PCGF5: variants seen among roughly 807,000 people sequenced by gnomAD.
PCGF5 encodes polycomb group ring finger 5, also known as polycomb group RING finger protein 5.
A neutral mutation model predicts 44.3 loss-of-function variants in PCGF5; 9 were observed. That is an observed-to-expected ratio of 0.20 (90% CI 0.12 to 0.35). The LOEUF (loss-of-function observed/expected upper bound fraction) is 0.35, where lower values mean the gene tolerates loss of function less well. Among genes scored for constraint, PCGF5 ranks in the 10% least tolerant of loss-of-function variants. The pLI is 1.00. For synonymous variants in PCGF5, 95 were observed against 102.5 expected, an observed-to-expected ratio of 0.93 and a Z score of 0.44; for missense variants, 146 against 305.3, an observed-to-expected ratio of 0.48 and a Z score of 3.89.
intron 1 of PCGF5, among the ~76,000 whole-genome samples, chr10:91,175,155 ACTT>A (rs747180279): frequency 3.8e-4 from 58 of 152,206 alleles, no homozygotes; most frequent in Non-Finnish European, 5.0e-4. Flanking sequence ...TCCTCACTTC[ACTT>A]CTTCTATGCC....
At chr10:91,184,297 A>G (rs566252573) in intron 1 of PCGF5, among the ~76,000 whole-genome samples, 1 of 151,606 alleles carries the variant, frequency 6.6e-6, no homozygotes, top group Admixed American at 6.6e-5. Flanking sequence ...TGCCTGTCTT[A>G]TTTCAGAAAC....
chr10:91,165,252 T>TTCCAC (rs1200640610), intron 1 of PCGF5, among the ~76,000 whole-genome samples: 3 of 152,208 alleles, frequency 2.0e-5, no homozygotes, highest in Non-Finnish European at 4.4e-5. Context: ...AGATAAAGCA[T>TTCCAC]GTGGAGCTCT....
chr10:91,197,237 G>A (rs868487535), intron 1 of PCGF5, among the ~76,000 whole-genome samples: 6 of 152,174 alleles, frequency 3.9e-5, no homozygotes, highest in African/African-American at 1.4e-4. Flanking sequence ...GGGGAGGCTC[G>A]AAGTATGGGG....
upstream of PCGF5, among the ~76,000 whole-genome samples, chr10:91,161,302 C>T (rs1843378062): frequency 6.6e-6 from 1 of 151,952 alleles, no homozygotes; most frequent in Admixed American, 6.6e-5. Context: ...GCTATTGACT[C>T]GCTTGGGAAA....
At chr10:91,234,347 A>G (rs1460326666) in intron 2 of PCGF5, among the ~76,000 whole-genome samples, 2 of 152,254 alleles carry the variant, frequency 1.3e-5, no homozygotes, top group Non-Finnish European at 2.9e-5. Context: ...GAAAGAATGC[A>G]TAATAGAAAA....
chr10:91,259,731 A>G (rs1478217070), intron 6 of PCGF5, among the ~76,000 whole-genome samples: 1 of 152,208 alleles, frequency 6.6e-6, no homozygotes, highest in South Asian at 2.1e-4. Context: ...AGGATTTCCT[A>G]TTTAATAAAT....
At chr10:91,254,021 C>A (rs1845685661) in intron 6 of PCGF5, among the ~76,000 whole-genome samples, 1 of 152,022 alleles carries the variant, frequency 6.6e-6, no homozygotes, top group South Asian at 2.1e-4. Flanking sequence ...AGTTTGCCAC[C>A]TTTTGGCCTG....
intron 1 of PCGF5, among the ~76,000 whole-genome samples, chr10:91,196,882 T>C (rs1401338684): frequency 6.6e-6 from 1 of 152,218 alleles, no homozygotes. Context: ...GAGGAACTGC[T>C]GAAGTACTGG....
chr10:91,238,601 CTTTTTTTTTTTTTTTTTTT>C (rs71487496), intron 2 of PCGF5, among the ~76,000 whole-genome samples: 21 of 58,492 alleles, frequency 3.6e-4, no homozygotes, highest in Middle Eastern at 0.014. Flanking sequence ...TTCTTTCTTT[CTTTTTTTTTTTTTTTTTTT>C]TTTTTTTTTT....
At chr10:91,276,690 C>T (rs1173787723) in intron 9 of PCGF5, among the ~76,000 whole-genome samples, 1 of 152,156 alleles carries the variant, frequency 6.6e-6, no homozygotes, top group East Asian at 1.9e-4. Context: ...CCCTCTGTAC[C>T]TTTATCCCTA....
chr10:91,246,542 C>A (rs138307285), intron 3 of PCGF5, among the ~76,000 whole-genome samples: 152 of 152,222 alleles, frequency 1.0e-3, no homozygotes, highest in Middle Eastern at 3.4e-3. Flanking sequence ...GGAACTAACA[C>A]AATCAGATTA....
chr10:91,169,839 G>A (rs972766406), intron 1 of PCGF5, among the ~76,000 whole-genome samples: 40 of 152,336 alleles, frequency 2.6e-4, no homozygotes, highest in Admixed American at 1.3e-3. Flanking sequence ...GAAGAACAAA[G>A]TTGGAGGACT....
intron 1 of PCGF5, among the ~76,000 whole-genome samples, chr10:91,179,370 T>C (rs1439486037): frequency 6.6e-6 from 1 of 152,212 alleles, no homozygotes; most frequent in Non-Finnish European, 1.5e-5. Context: ...ATTTTAACTT[T>C]AGGGGTACAA....
chr10:91,227,281 C>A, intron 2 of PCGF5: 1 of 513,622 alleles, frequency 1.9e-6, no homozygotes, highest in Non-Finnish European at 3.6e-6. Context: ...GAGACTTCAG[C>A]TACCTGTGCT....
intron 1 of PCGF5, among the ~76,000 whole-genome samples, chr10:91,163,881 C>G (rs1377894316): frequency 6.6e-6 from 1 of 152,150 alleles, no homozygotes; most frequent in Non-Finnish European, 1.5e-5. Context: ...TGCTCCCATC[C>G]CCTCCCCGCC....
intron 1 of PCGF5, among the ~76,000 whole-genome samples, chr10:91,169,499 G>A (rs1341674486): frequency 6.6e-6 from 1 of 151,968 alleles, no homozygotes; most frequent in Non-Finnish European, 1.5e-5. Context: ...ATTAACAAGT[G>A]GAATTTGAAA....
chr10:91,283,787 C>A lies in PCGF5; in HGVS notation c.*5471C>A, dbSNP rs752677081. On this transcript the variant is annotated 3_prime_UTR_variant, in exon 10 of 10. Coordinates refer to ENST00000336126, the MANE Select transcript of PCGF5 (RefSeq NM_032373.5). ...TTTTAAATAGAGTAGCCCTCACAAT[C>A]AAAATATCATAGAATATATTGTAAA... is the stretch of plus-strand genomic sequence containing the variant. The A allele has an allele frequency of 2.0e-5, 3 of 152,358 alleles. No homozygotes were observed. Among genetic ancestry groups the A allele is most frequent in the Non-Finnish European group, 4.4e-5 (3 of 68,036 alleles). 9.4% of individuals were successfully genotyped at this position (152,358 alleles called of 1,614,324 possible).
At chr10:91,255,842 C>T (rs1845736567) in intron 6 of PCGF5, among the ~76,000 whole-genome samples, 2 of 152,022 alleles carry the variant, frequency 1.3e-5, no homozygotes, top group South Asian at 4.1e-4. Context: ...ATCTGTGGAT[C>T]CCATGTCCCT....
At chr10:91,179,360 A>G (rs540433063) in intron 1 of PCGF5, among the ~76,000 whole-genome samples, 1 of 152,164 alleles carries the variant, frequency 6.6e-6, no homozygotes, top group Non-Finnish European at 1.5e-5. Flanking sequence ...TTAAAAATTT[A>G]TTTTAACTTT....
Sources: gnomAD v4.1 joint callset for allele counts (sites outside exome capture counted in the v4.1 genomes callset) on GRCh38, gnomAD v4.1.1 for gene constraint, MANE v1.5 for transcripts, NCBI Gene and HGNC (gene_info 2026-07-23, HGNC 2026-07-21) for gene names.